Variants in GNB1 observed in about 807,000 individuals in gnomAD.
GNB1 encodes G protein subunit beta 1, also known as guanine nucleotide-binding protein G(I)/G(S)/G(T) subunit beta-1.
GNB1 carries 2 observed loss-of-function variants against 42.9 expected under a neutral mutation model. That is an observed-to-expected ratio of 0.05 (90% CI 0.02 to 0.15). The LOEUF is 0.15. Among genes scored for constraint, GNB1 ranks in the 10% least tolerant of loss-of-function variants. The pLI, the probability that GNB1 is intolerant of heterozygous loss-of-function variation, is 1.00. For missense variants in GNB1, 193 were observed against 462.2 expected, an observed-to-expected ratio of 0.42 and a Z score of 5.34; for synonymous variants, 183 against 174.7, an observed-to-expected ratio of 1.05 and a Z score of -0.38.
At chr1:1,855,663 G>A (rs1010697558) in intron 1 of GNB1, among the ~76,000 whole-genome samples, 17 of 147,170 alleles carry the variant, frequency 1.2e-4, no homozygotes, top group Non-Finnish European at 2.6e-4. Context: ...CCGAGATCGC[G>A]CCACTGCACT....
rs114225097 is a variant in GNB1 at position 1,871,952 on chromosome 1, C to T, written c.-96+18868G>A. Among the ~76,000 whole-genome samples the T allele has an allele frequency of 8.2e-3, 1,254 of 152,234 alleles. 21 individuals are homozygous for T. Among genetic ancestry groups the T allele is most frequent in the African/African-American group, 0.029 (1,217 of 41,560 alleles). On this transcript the variant is annotated intron_variant, in intron 1 of 11. Coordinates refer to ENST00000378609, the MANE Select transcript of GNB1 (RefSeq NM_002074.5). ...TCCTTAAAATGACCTCTGTCTCAAT[C>T]TGTGCCCCCGACAATCCATTTTTCA... is the stretch of plus-strand genomic sequence containing the variant.
At chr1:1,852,476 C>T (rs915730303) in intron 1 of GNB1, among the ~76,000 whole-genome samples, 5 of 151,946 alleles carry the variant, frequency 3.3e-5, no homozygotes, top group South Asian at 2.1e-4. Flanking sequence ...GCGACCCGCC[C>T]GCCTCAGTCT....
chr1:1,885,221 T>G (rs1266406938), intron 1 of GNB1, among the ~76,000 whole-genome samples: 1 of 151,474 alleles, frequency 6.6e-6, no homozygotes. Flanking sequence ...GAGACCAGCC[T>G]GGCCAACATG....
intron 2 of GNB1, among the ~76,000 whole-genome samples, chr1:1,838,379 T>C (rs902371270): frequency 1.3e-5 from 2 of 152,066 alleles, no homozygotes; most frequent in Admixed American, 1.3e-4. Flanking sequence ...ATTCCCACTT[T>C]ATTCAAACAA....
At chr1:1,825,302 G>T in intron 3 of GNB1, 95 bp downstream of exon 3, 1 of 854,230 alleles carries the variant, frequency 1.2e-6, no homozygotes, top group Non-Finnish European at 2.0e-6. Context: ...ATAAAACATA[G>T]AACAAGTCAT....
At chr1:1,876,833 G>C (rs1429996446) in intron 1 of GNB1, among the ~76,000 whole-genome samples, 1 of 152,154 alleles carries the variant, frequency 6.6e-6, no homozygotes. Context: ...CTAAGGTAGA[G>C]ACGTTCAGTA....
chr1:1,867,702 C>CTA (rs1385932980), intron 1 of GNB1, among the ~76,000 whole-genome samples: 1 of 152,262 alleles, frequency 6.6e-6, no homozygotes, highest in Admixed American at 6.5e-5. Context: ...TGCCTTTGAA[C>CTA]TATAGTTCAG....
At chr1:1,860,071 C>A (rs1380298912) in intron 1 of GNB1, among the ~76,000 whole-genome samples, 7 of 151,890 alleles carry the variant, frequency 4.6e-5, no homozygotes, top group Non-Finnish European at 1.0e-4. Flanking sequence ...AAAAAGTAAA[C>A]AAAGAAGAAG....
At chr1:1,851,514 A>G (rs763800323) in intron 1 of GNB1, among the ~76,000 whole-genome samples, 14 of 151,698 alleles carry the variant, frequency 9.2e-5, no homozygotes, top group Admixed American at 2.0e-4. Flanking sequence ...CTGGGATACC[A>G]CTGCACTCCA....
chr1:1,792,287 T>C (rs1193874152), intron 8 of GNB1, among the ~76,000 whole-genome samples: 1 of 152,102 alleles, frequency 6.6e-6, no homozygotes, highest in Non-Finnish European at 1.5e-5. Context: ...GACATGATGC[T>C]ATCAGAAAGG....
chr1:1,880,121 T>TG (rs1391679262), intron 1 of GNB1, among the ~76,000 whole-genome samples: 4 of 152,066 alleles, frequency 2.6e-5, no homozygotes, highest in Admixed American at 1.3e-4. Flanking sequence ...TTTGTAGAGA[T>TG]GGGGTCTCAC....
At chr1:1,871,994 ATCTTTTT>A (rs536836240) in intron 1 of GNB1, among the ~76,000 whole-genome samples, 58 of 150,710 alleles carry the variant, frequency 3.8e-4, no homozygotes, top group Admixed American at 1.3e-3. Context: ...AATCTGAACA[ATCTTTTT>A]TCTTTTTTTT....
intron 7 of GNB1, among the ~76,000 whole-genome samples, chr1:1,801,073 A>G (rs1046017232): frequency 1.3e-5 from 2 of 152,246 alleles, no homozygotes; most frequent in African/African-American, 4.8e-5. Flanking sequence ...TCTGTTACCC[A>G]GGCTGGAGGT....
At chr1:1,795,032 A>T (rs1646527996) in intron 7 of GNB1, among the ~76,000 whole-genome samples, 2 of 152,226 alleles carry the variant, frequency 1.3e-5, no homozygotes, top group Non-Finnish European at 2.9e-5. Context: ...AAATATGCAT[A>T]GATGACAGAG....
intron 5 of GNB1, among the ~76,000 whole-genome samples, chr1:1,810,430 G>A (rs1359730671): frequency 6.6e-6 from 1 of 151,072 alleles, no homozygotes; most frequent in Non-Finnish European, 1.5e-5. Flanking sequence ...CAGCTACTCA[G>A]GAGGCTGAGG....
chr1:1,808,354 C>T (rs1349574074), intron 5 of GNB1, among the ~76,000 whole-genome samples: 3 of 151,928 alleles, frequency 2.0e-5, no homozygotes, highest in African/African-American at 7.3e-5. Flanking sequence ...GTGCTCAGTT[C>T]GGAATCCACA....
At chr1:1,833,494 C>G (rs1647104059) in intron 2 of GNB1, among the ~76,000 whole-genome samples, 1 of 152,182 alleles carries the variant, frequency 6.6e-6, no homozygotes, top group Non-Finnish European at 1.5e-5. Context: ...CGACCACTAA[C>G]GCAGCTGCAG....
At chr1:1,836,856 CTT>C (rs35131919) in intron 2 of GNB1, among the ~76,000 whole-genome samples, 252 of 120,128 alleles carry the variant, frequency 2.1e-3, no homozygotes, top group African/African-American at 6.3e-3. Context: ...CGACTGCTAA[CTT>C]TTTTTTTTTT....
chr1:1,825,432 G>T lies in GNB1; in HGVS notation c.22C>A (p.Arg8=), dbSNP rs1327624235. MSELDQL[R]QEAEQLKNQI... The stretch of plus-strand genomic sequence containing the variant: ...TTCTTAAGTTGCTCGGCCTCCTGCC[G>T]TAACTGGTCAAGCTCACTCATCTTC... Residue 8 remains arginine (R), a synonymous_variant, in exon 3 of 12, where the codon CGG becomes AGG. Coordinates refer to ENST00000378609, the MANE Select transcript of GNB1 (RefSeq NM_002074.5). The T allele has an allele frequency of 1.9e-6, 3 of 1,612,510 alleles. No individual in the cohort carries two copies. Among genetic ancestry groups the T allele is most frequent in the East Asian group, 2.2e-5 (1 of 44,888 alleles).
Sources: gnomAD v4.1 joint callset for allele counts (sites outside exome capture counted in the v4.1 genomes callset) on GRCh38, gnomAD v4.1.1 for gene constraint, MANE v1.5 for transcripts, NCBI Gene and HGNC (gene_info 2026-07-23, HGNC 2026-07-21) for gene names.